Variants in SIPA1L2 observed in about 807,000 individuals in gnomAD.
SIPA1L2 encodes signal induced proliferation associated 1 like 2, also known as signal-induced proliferation-associated 1-like protein 2.
In SIPA1L2, 56 loss-of-function variants were observed where a neutral mutation model predicts 163.9. The ratio of observed to expected loss-of-function variants is 0.34; its 90% confidence interval spans 0.28 to 0.43. The LOEUF is 0.43. Among genes scored for constraint, SIPA1L2 ranks in the 20% least tolerant of loss-of-function variants. SIPA1L2 has a pLI of 1.00. For missense variants in SIPA1L2, 1,974 were observed against 2,193.5 expected, an observed-to-expected ratio of 0.90 and a Z score of 2.00; for synonymous variants, 877 against 865.7, an observed-to-expected ratio of 1.01 and a Z score of -0.23.
In SIPA1L2 at chr1:232,398,332, A is replaced by C. The variant is rs1360196009; in HGVS notation, c.*795T>G. Reference sequence around the variant, plus strand: ...GGCTCACAGCACACAGGGAAGTTCTAGTGAGTAAGCAGATTCACTCTCATT... The same window carrying C: ...GGCTCACAGCACACAGGGAAGTTCTCGTGAGTAAGCAGATTCACTCTCATT... On this transcript the variant is annotated 3_prime_UTR_variant, in exon 23 of 23. Transcript: ENST00000674635. 6.6e-6 allele frequency: 1 copy of C among 151,080 alleles called. No individual in the cohort carries two copies. Among genetic ancestry groups the C allele is most frequent in the East Asian group, 1.9e-4 (1 of 5,202 alleles). The allele number at this position is 151,080 out of a possible 1,614,324, so 9.4% of individuals were successfully genotyped here.
At chr1:232,528,637 C>T (rs1194728389) in intron 2 of SIPA1L2, among the ~76,000 whole-genome samples, 1 of 152,186 alleles carries the variant, frequency 6.6e-6, no homozygotes, top group Non-Finnish European at 1.5e-5. Context: ...AAGGCAGCAG[C>T]TCCTCCAGCC....
chr1:232,558,750 G>A (rs989422838), intron 2 of SIPA1L2, among the ~76,000 whole-genome samples: 4 of 152,050 alleles, frequency 2.6e-5, no homozygotes, highest in East Asian at 1.9e-4. Context: ...TCGTTTTTAT[G>A]CATGTTTTCT....
chr1:232,450,392 A>G (rs1663501408), intron 10 of SIPA1L2, among the ~76,000 whole-genome samples: 1 of 152,254 alleles, frequency 6.6e-6, no homozygotes, highest in South Asian at 2.1e-4. Context: ...CCCCATAGCC[A>G]AAGACCTAAT....
chr1:232,506,765 T>C (rs980931111), intron 3 of SIPA1L2, among the ~76,000 whole-genome samples: 1 of 152,222 alleles, frequency 6.6e-6, no homozygotes, highest in African/African-American at 2.4e-5. Context: ...AAGAATTCTA[T>C]GGTCGTTCAA....
chr1:232,425,785 A>G lies in SIPA1L2; in HGVS notation c.4434T>C (p.Ser1478=). The G allele has an allele frequency of 6.2e-7, 1 of 1,613,966 alleles. No homozygotes were observed. The highest frequency in any genetic ancestry group is 8.5e-7 in the Non-Finnish European group (1 of 1,179,922). The change falls in exon 18 of 23, where the codon TCT becomes TCC. Residue 1478 remains serine (S), a synonymous_variant. Coordinates refer to ENST00000674635, the MANE Select transcript of SIPA1L2 (RefSeq NM_020808.5). ...GCGTGCGGTAAAGCGACCTCCTTGG[A>G]GACAGGTTCCCATAGAACGAAAACT... The part of the protein sequence containing the change: ...RRKFSFYGNL[S]PRRSLYRTLS...
intron 22 of SIPA1L2, among the ~76,000 whole-genome samples, chr1:232,401,620 G>A (rs764758770): frequency 6.6e-6 from 1 of 152,254 alleles, no homozygotes; most frequent in South Asian, 2.1e-4. Context: ...TGGTAACTAT[G>A]TATGAGCTGT....
intron 2 of SIPA1L2, among the ~76,000 whole-genome samples, chr1:232,537,577 G>C (rs1022352774): frequency 2.0e-5 from 3 of 152,188 alleles, no homozygotes; most frequent in Non-Finnish European, 4.4e-5. Context: ...CTTTGGTTTT[G>C]TGTCCGTCAC....
chr1:232,528,103 A>ATATATCG (rs1558246735), intron 2 of SIPA1L2, among the ~76,000 whole-genome samples: 3 of 51,714 alleles, frequency 5.8e-5, no homozygotes, highest in African/African-American at 2.3e-4. Flanking sequence ...TATATATATA[A>ATATATCG]TCAACTTTCT....
At position 232,493,676 on chromosome 1, in the gene SIPA1L2, G is replaced by C; in HGVS notation, c.1484-16C>G. ...TTTTGGTGCTCTATAATGGAAGAGA[G>C]AGGGTGGCATCAAAAGAATGAAAAA... is the stretch of plus-strand genomic sequence containing the variant. On this transcript the variant is annotated splice_polypyrimidine_tract_variant and intron_variant, in intron 3 of 22. Coordinates refer to ENST00000674635, the MANE Select transcript of SIPA1L2 (RefSeq NM_020808.5). 6.2e-7 allele frequency: 1 copy of C among 1,613,406 alleles called. No individual in the cohort carries two copies. The highest frequency in any genetic ancestry group is 1.1e-5 in the South Asian group (1 of 90,842).
rs1458067553 is a variant in SIPA1L2, at chr1:232,425,596, G to T, written c.4623C>A (p.Ser1541Arg). The part of the protein sequence containing the change: ...PRAHPAPSMG[S>R]LRNEFWFSDG... ...AGCCAGCCCCTCACTTACTTCTCAGGCTCCCCATGCTGGGTGCGGGGTGGG... is the reference window on the plus strand; with the variant it reads ...AGCCAGCCCCTCACTTACTTCTCAGTCTCCCCATGCTGGGTGCGGGGTGGG... The change falls in exon 18 of 23, where the codon AGC becomes AGA. Residue 1541 changes from serine (S) to arginine (R), a missense_variant. By Grantham distance (110) the Ser-to-Arg change is moderately radical (BLOSUM62 -1). This residue lies in a region of SIPA1L2 where 1,079 missense variants were observed against 1,150.7 expected (regional missense o/e 0.94). Transcript: ENST00000674635. 1 of 1,579,698 alleles carries T rather than the reference G, an allele frequency of 6.3e-7. No homozygotes were observed. Among genetic ancestry groups the T allele is most frequent in the East Asian group, 2.3e-5 (1 of 43,998 alleles).
intron 2 of SIPA1L2, among the ~76,000 whole-genome samples, chr1:232,520,698 T>G (rs1667423969): frequency 6.6e-6 from 1 of 152,212 alleles, no homozygotes; most frequent in Non-Finnish European, 1.5e-5. Context: ...ATGCTTATTT[T>G]TCATGCCAGT....
At chr1:232,505,749 A>C (rs1256946501) in intron 3 of SIPA1L2, among the ~76,000 whole-genome samples, 1 of 152,130 alleles carries the variant, frequency 6.6e-6, no homozygotes, top group East Asian at 1.9e-4. Flanking sequence ...CGCCTGTGGG[A>C]CTTGACGGGA....
In SIPA1L2 at chr1:232,460,791, C is replaced by G. The variant is rs1015992441; in HGVS notation, c.3095+96G>C. On this transcript the variant is annotated intron_variant, in intron 10 of 22. Transcript: ENST00000674635. ...GAACACTGTACAAAGACACACTTGA[C>G]TGCATTTTCTGAGGACCTTGCAGGA... is the stretch of plus-strand genomic sequence containing the variant. The G allele has an allele frequency of 3.5e-6, 5 of 1,433,620 alleles. No individual in the cohort carries two copies. The African/African-American group carries it at 7.1e-5, about 20-fold the overall frequency. The allele number at this position is 1,433,620 out of a possible 1,614,324, so 88.8% of individuals were successfully genotyped here.
In SIPA1L2 at chr1:232,402,471, T is replaced by G. The variant is rs1660402260; in HGVS notation, c.4943A>C (p.Glu1648Ala). The change falls in exon 22 of 23, where the codon GAG becomes GCG. Residue 1648 changes from glutamate to alanine, a missense_variant and splice_region_variant. By Grantham distance (107) the Glu-to-Ala change is moderately radical. Coordinates refer to ENST00000674635, the MANE Select transcript of SIPA1L2 (RefSeq NM_020808.5). ...SGKEFMDTTGERSPSPLTGKV... is the reference protein window; with the variant it reads ...SGKEFMDTTGARSPSPLTGKV... ...CCCGGTCAGTGGTGATGGAGAACGC[T>G]CCCTAGCAAATAAGGATAGAATTAG... 6.2e-7 allele frequency: 1 copy of G among 1,612,030 alleles called. No homozygotes were observed. Among genetic ancestry groups the G allele is most frequent in the African/African-American group, 1.3e-5 (1 of 74,882 alleles).
intron 8 of SIPA1L2, among the ~76,000 whole-genome samples, chr1:232,467,628 A>T (rs1664592473): frequency 6.6e-6 from 1 of 152,234 alleles, no homozygotes; most frequent in Admixed American, 6.5e-5. Context: ...AATATTGGGT[A>T]CGATAAACCA....
intron 1 of SIPA1L2, among the ~76,000 whole-genome samples, chr1:232,613,229 C>G (rs1034153626): frequency 6.6e-6 from 1 of 152,182 alleles, no homozygotes; most frequent in Non-Finnish European, 1.5e-5. Context: ...ATACACTGAC[C>G]TTCAGCTTAT....
chr1:232,572,414 C>T (rs1187536954), intron 2 of SIPA1L2, among the ~76,000 whole-genome samples: 1 of 152,098 alleles, frequency 6.6e-6, no homozygotes, highest in African/African-American at 2.4e-5. Context: ...TACTCAGTCT[C>T]AACGGTTTTC....
intron 1 of SIPA1L2, among the ~76,000 whole-genome samples, chr1:232,600,507 G>C (rs1661535470): frequency 6.6e-6 from 1 of 152,176 alleles, no homozygotes; most frequent in Non-Finnish European, 1.5e-5. Context: ...GAGGAAACTG[G>C]GTTACTAGGG....
chr1:232,438,984 T>C, intron 15 of SIPA1L2, 124 bp downstream of exon 15: 3 of 970,592 alleles, frequency 3.1e-6, no homozygotes, highest in Non-Finnish European at 4.3e-6. Flanking sequence ...GTCAGACAGC[T>C]AGGAAAAATT....
Sources: allele counts gnomAD v4.1 joint callset (sites outside exome capture counted in the v4.1 genomes callset), GRCh38; gene constraint gnomAD v4.1.1; regional missense constraint gnomAD v4.1.1; transcripts MANE v1.5; gene names NCBI Gene and HGNC (gene_info 2026-07-23, HGNC 2026-07-21).